The following CCDC126 variants were observed in gnomAD, a reference collection of about 807,000 sequenced individuals.
CCDC126 encodes the protein coiled-coil domain containing 126, also known as coiled-coil domain-containing protein 126.
Under a neutral mutation model 11.7 loss-of-function variants are expected in CCDC126, and 5 were observed. The observed-to-expected ratio is 0.43, with a 90% CI of 0.22 to 0.90. The LOEUF (loss-of-function observed/expected upper bound fraction) is 0.90, where lower values mean the gene tolerates loss of function less well. Among genes scored for constraint, CCDC126 ranks in the 40% least tolerant of loss-of-function variants. The pLI is 0.27. For missense variants in CCDC126, 150 were observed against 163.1 expected, an observed-to-expected ratio of 0.92 and a Z score of 0.44; for synonymous variants, 60 against 61.9, an observed-to-expected ratio of 0.97 and a Z score of 0.14.
intron 2 of CCDC126, among the ~76,000 whole-genome samples, chr7:23,609,004 C>T (rs935423385): frequency 2.0e-5 from 3 of 151,910 alleles, no homozygotes; most frequent in African/African-American, 7.3e-5. Context: ...GTGGGAGCCA[C>T]AAGACCAGAT....
chr7:23,605,279 G>T (rs1037306083), intron 2 of CCDC126, among the ~76,000 whole-genome samples: 1 of 152,020 alleles, frequency 6.6e-6, no homozygotes, highest in African/African-American at 2.4e-5. Context: ...ATGGGTAGAA[G>T]TCAGATTATG....
chr7:23,628,722 C>T (rs1783055725), intron 3 of CCDC126, among the ~76,000 whole-genome samples: 1 of 151,848 alleles, frequency 6.6e-6, no homozygotes, highest in Middle Eastern at 3.4e-3. Context: ...CAGGACTTTA[C>T]CTCCACATGG....
chr7:23,610,286 A>G (rs1431642565), intron 2 of CCDC126, among the ~76,000 whole-genome samples: 1 of 152,178 alleles, frequency 6.6e-6, no homozygotes, highest in Admixed American at 6.5e-5. Context: ...ATCATGGCTC[A>G]CTGTACCCTT....
chr7:23,639,284 C>G (rs1017088702), intron 3 of CCDC126, among the ~76,000 whole-genome samples: 3 of 151,786 alleles, frequency 2.0e-5, no homozygotes, highest in African/African-American at 7.3e-5. Context: ...TTCTACCTCC[C>G]AAGTTCAAGC....
At chr7:23,638,199 C>T (rs903509530) in intron 3 of CCDC126, among the ~76,000 whole-genome samples, 1 of 151,858 alleles carries the variant, frequency 6.6e-6, no homozygotes, top group Non-Finnish European at 1.5e-5. Context: ...CCGGCCACGA[C>T]CCCGTCTGGG....
intron 3 of CCDC126, among the ~76,000 whole-genome samples, chr7:23,616,943 T>C (rs1462227116): frequency 1.3e-5 from 2 of 152,242 alleles, no homozygotes; most frequent in South Asian, 4.1e-4. Context: ...AGTTTTCCCT[T>C]ATTTATTTTC....
intron 3 of CCDC126, among the ~76,000 whole-genome samples, chr7:23,623,787 A>T (rs1782967599): frequency 6.6e-6 from 1 of 152,176 alleles, no homozygotes; most frequent in Admixed American, 6.6e-5. Context: ...AACTAGCTTG[A>T]TTTAATTATT....
chr7:23,642,046 C>G (rs1403915436), intron 3 of CCDC126, among the ~76,000 whole-genome samples: 1 of 152,168 alleles, frequency 6.6e-6, no homozygotes, highest in South Asian at 2.1e-4. Flanking sequence ...GAGTCTTGCT[C>G]TGTCGCCCAG....
intron 2 of CCDC126, 37 bp from the exon 3 acceptor site, chr7:23,611,134 A>T (rs1584197118): frequency 3.7e-6 from 2 of 546,458 alleles, no homozygotes; most frequent in Admixed American, 6.6e-5. Flanking sequence ...ACTGATACAG[A>T]TTAAGACTAA....
At chr7:23,642,023 G>GTTTTTTTTTTTTTTTT (rs1224600275) in intron 3 of CCDC126, among the ~76,000 whole-genome samples, 5 of 152,032 alleles carry the variant, frequency 3.3e-5, no homozygotes, top group Admixed American at 6.5e-5. Context: ...TTGGTTTTTT[G>GTTTTTTTTTTTTTTTT]TTTTTTGAGA....
intron 3 of CCDC126, among the ~76,000 whole-genome samples, chr7:23,618,351 C>T (rs1782829504): frequency 6.6e-6 from 1 of 152,132 alleles, no homozygotes; most frequent in Admixed American, 6.6e-5. Flanking sequence ...GCCAGCTCCC[C>T]AACCCCCCAT....
chr7:23,640,042 G>A (rs774793789), intron 3 of CCDC126, among the ~76,000 whole-genome samples: 2 of 151,868 alleles, frequency 1.3e-5, no homozygotes, highest in Non-Finnish European at 2.9e-5. Context: ...AATTAGCTGG[G>A]TGTGGTGGTG....
intron 3 of CCDC126, among the ~76,000 whole-genome samples, chr7:23,627,810 T>C (rs1259765789): frequency 2.0e-5 from 3 of 151,842 alleles, no homozygotes; most frequent in African/African-American, 7.3e-5. Context: ...CCCAGGCTGA[T>C]CTCAAACTCC....
chr7:23,623,635 A>G (rs1057360432), intron 3 of CCDC126, among the ~76,000 whole-genome samples: 1 of 152,118 alleles, frequency 6.6e-6, no homozygotes, highest in African/African-American at 2.4e-5. Flanking sequence ...CAAAGGGTAC[A>G]AAATCTCAGA....
intron 2 of CCDC126, among the ~76,000 whole-genome samples, chr7:23,610,452 G>A (rs191463811): frequency 6.6e-5 from 10 of 152,148 alleles, no homozygotes; most frequent in South Asian, 2.1e-4. Flanking sequence ...GGGCTCTAGG[G>A]ATACTCCCAC....
intron 2 of CCDC126, among the ~76,000 whole-genome samples, chr7:23,600,486 CT>C (rs977109856): frequency 6.1e-5 from 9 of 147,338 alleles, no homozygotes; most frequent in African/African-American, 2.0e-4. Context: ...CTGTGGAGGA[CT>C]TTTTTTTGGG....
intron 2 of CCDC126, among the ~76,000 whole-genome samples, chr7:23,605,613 C>T (rs1782611022): frequency 6.6e-6 from 1 of 152,108 alleles, no homozygotes; most frequent in Admixed American, 6.5e-5. Context: ...TTTCCATTCT[C>T]TTCTTCCATG....
At chr7:23,612,622 A>G (rs1450129347) in intron 3 of CCDC126, among the ~76,000 whole-genome samples, 1 of 151,930 alleles carries the variant, frequency 6.6e-6, no homozygotes, top group Non-Finnish European at 1.5e-5. Flanking sequence ...ACAGTGAGCC[A>G]TGTCTGCACC....
chr7:23,618,164 T>C (rs1304980542), intron 3 of CCDC126, among the ~76,000 whole-genome samples: 1 of 152,212 alleles, frequency 6.6e-6, no homozygotes, highest in Non-Finnish European at 1.5e-5. Context: ...TGCAGAATAT[T>C]GCCAACTAGG....
Sources: gnomAD v4.1 joint callset for allele counts (sites outside exome capture counted in the v4.1 genomes callset) on GRCh38, gnomAD v4.1.1 for gene constraint, MANE v1.5 for transcripts, NCBI Gene and HGNC (gene_info 2026-07-23, HGNC 2026-07-21) for gene names.